Variants in CASQ2 observed in about 807,000 individuals in gnomAD.
The protein encoded by CASQ2 is calsequestrin-2.
CASQ2 carries 49 observed loss-of-function variants against 46.5 expected under a neutral mutation model. The ratio of observed to expected loss-of-function variants is 1.05; its 90% CI spans 0.84 to 1.34. CASQ2 has a LOEUF of 1.34. Among genes scored for constraint, CASQ2 ranks in the 40% most tolerant of loss-of-function variants. The pLI, the probability that CASQ2 is intolerant of heterozygous loss-of-function variation, is 0.00. For missense variants in CASQ2, 486 were observed against 481.3 expected, an observed-to-expected ratio of 1.01 and a Z score of -0.09; for synonymous variants, 174 against 168.5, an observed-to-expected ratio of 1.03 and a Z score of -0.25.
chr1:115,725,921 C>T (rs1647568162), intron 6 of CASQ2, among the ~76,000 whole-genome samples: 1 of 152,180 alleles, frequency 6.6e-6, no homozygotes. Context: ...AATGAGAAAC[C>T]TGAGGGGGAA....
rs759805011 is a variant in CASQ2, at chr1:115,740,786, C to A, written c.362G>T (p.Arg121Leu). Residue 121 changes from arginine to leucine, a missense_variant, in exon 3 of 11, where the codon CGC becomes CTC. Arg to Leu is a moderately radical substitution (Grantham distance 102, BLOSUM62 -2). Transcript: ENST00000261448. The part of the protein sequence containing the change: ...EGSLYILKGD[R>L]TIEFDGEFAA... Reference sequence around the variant, plus strand: ...AAACTCGCCATCAAACTCTATTGTGCGATCACCCTTAAGAATATACAGGCT... The same window carrying A: ...AAACTCGCCATCAAACTCTATTGTGAGATCACCCTTAAGAATATACAGGCT... The A allele has an allele frequency of 3.1e-6, 5 of 1,613,304 alleles. No homozygotes were observed. Among genetic ancestry groups the A allele is most frequent in the Non-Finnish European group, 4.2e-6 (5 of 1,179,536 alleles).
chr1:115,716,866 G>T (rs542254402), intron 8 of CASQ2, among the ~76,000 whole-genome samples: 1 of 152,266 alleles, frequency 6.6e-6, no homozygotes, highest in African/African-American at 2.4e-5. Flanking sequence ...GACATGGTGA[G>T]ATTAAAAGTG....
Position 115,744,849 on chromosome 1 carries a change from C to T in CASQ2, c.298G>A (p.Ala100Thr). Residue 100 changes from alanine to threonine, a missense_variant, in exon 2 of 11, where the codon GCC becomes ACC. Coordinates refer to ENST00000261448, the MANE Select transcript of CASQ2 (RefSeq NM_001232.4). ...GFVMVDAKKE[A>T]KLAKKLGFDE... is the part of the protein sequence containing the mutation. Reference sequence around the variant, plus strand: ...TTACCCAGTTTCTTGGCAAGCTTGGCTTCTTTCTTGGCATCCACCATCACA... The same window carrying T: ...TTACCCAGTTTCTTGGCAAGCTTGGTTTCTTTCTTGGCATCCACCATCACA... The T allele has an allele frequency of 2.5e-6, 4 of 1,613,708 alleles. No homozygotes were observed. Among genetic ancestry groups the T allele is most frequent in the Non-Finnish European group, 3.4e-6 (4 of 1,179,684 alleles).
chr1:115,738,344 C>CA lies in CASQ2; in HGVS notation c.421-10_421-9insT. 6.6e-7 allele frequency: 1 copy of CA among 1,508,010 alleles called. No homozygotes were observed. Among genetic ancestry groups the CA allele is most frequent in the South Asian group, 1.1e-5 (1 of 89,000 alleles). 93.4% of individuals were successfully genotyped at this position (1,508,010 alleles called of 1,614,324 possible). Reference sequence around the variant, plus strand: ...ACTGGGTCTTCAATTAGCTGAAATGCCACACGCACATACACACATGTTCAA... The same window carrying CA: ...ACTGGGTCTTCAATTAGCTGAAATGCACACACGCACATACACACATGTTCAA... On this transcript the variant is annotated splice_polypyrimidine_tract_variant and intron_variant, in intron 3 of 10. Transcript: ENST00000261448.
chr1:115,750,976 T>G (rs1648560620), intron 1 of CASQ2, among the ~76,000 whole-genome samples: 1 of 149,528 alleles, frequency 6.7e-6, no homozygotes, highest in African/African-American at 2.4e-5. Flanking sequence ...TCATGGATAC[T>G]ATGTCCCAGT....
In CASQ2 at chr1:115,760,101, A is replaced by G. The variant is rs184832158; in HGVS notation, c.234+8207T>C. On this transcript the variant is annotated intron_variant, in intron 1 of 10. Transcript: ENST00000261448. ...GAGGCCTGGCTGAGTCCCAAATCAG[A>G]TATGAATCCCTGCACCCCTAGAACA... 8.4e-4 allele frequency among the ~76,000 whole-genome samples: 128 copies of G among 152,324 alleles called. 2 individuals are homozygous for G. Among genetic ancestry groups the G allele is most frequent in the Non-Finnish European group, 7.2e-4 (49 of 68,032 alleles).
chr1:115,707,512 G>A (rs1263296528), intron 8 of CASQ2, among the ~76,000 whole-genome samples: 1 of 152,146 alleles, frequency 6.6e-6, no homozygotes, highest in African/African-American at 2.4e-5. Flanking sequence ...GTGGGGTAGG[G>A]GCATTACTCC....
At position 115,700,400 on chromosome 1, in the gene CASQ2, AG is replaced by A. The variant is rs1654169337; in HGVS notation, c.*840del. 6.5e-6 allele frequency: 1 copy of A among 152,720 alleles called. No homozygotes were observed. The highest frequency in any genetic ancestry group is 3.4e-3 in the Middle Eastern group (1 of 294). The allele number at this position is 152,720 out of a possible 1,614,324, so 9.5% of individuals were successfully genotyped here. ...AGAAGGGGTATTCAGATCCCAGCTTAGGCTAGGAAGCCAGCTGACCCAATCA... is the reference window on the plus strand; with the variant it reads ...AGAAGGGGTATTCAGATCCCAGCTTAGCTAGGAAGCCAGCTGACCCAATCA... On this transcript the variant is annotated 3_prime_UTR_variant, in exon 11 of 11. Coordinates refer to ENST00000261448, the MANE Select transcript of CASQ2 (RefSeq NM_001232.4).
intron 5 of CASQ2, among the ~76,000 whole-genome samples, chr1:115,731,888 TA>T (rs1157329136): frequency 6.6e-6 from 1 of 152,172 alleles, no homozygotes; most frequent in Non-Finnish European, 1.5e-5. Context: ...CTCTGGCACA[TA>T]AAAATTTTTT....
At chr1:115,723,899 C>T (rs952310888) in intron 7 of CASQ2, among the ~76,000 whole-genome samples, 4 of 152,168 alleles carry the variant, frequency 2.6e-5, no homozygotes, top group Non-Finnish European at 5.9e-5. Flanking sequence ...TTCTATTGTG[C>T]TGAGTTGTTA....
intron 3 of CASQ2, among the ~76,000 whole-genome samples, chr1:115,739,902 T>C (rs1485590112): frequency 6.6e-6 from 1 of 152,204 alleles, no homozygotes; most frequent in African/African-American, 2.4e-5. Flanking sequence ...CCCAGAGTTG[T>C]TCTGTCACCC....
rs151004366 is a variant in CASQ2 at position 115,722,244 on chromosome 1, C to T, written c.783+3264G>A. 6.3e-3 allele frequency among the ~76,000 whole-genome samples: 965 copies of T among 152,260 alleles called. 9 individuals carry two copies. Among genetic ancestry groups the T allele is most frequent in the African/African-American group, 0.021 (870 of 41,542 alleles). ...TTTCTCTGCCTGGTTAAATTCAATA[C>T]GCTGCTCTCTTCCCCAAGTTAAGAA... is the stretch of plus-strand genomic sequence containing the variant. On this transcript the variant is annotated intron_variant, in intron 7 of 10. Coordinates refer to ENST00000261448, the MANE Select transcript of CASQ2 (RefSeq NM_001232.4).
chr1:115,705,043 T>C (rs1449294932), intron 9 of CASQ2, 149 bp downstream of exon 9: 5 of 697,616 alleles, frequency 7.2e-6, no homozygotes, highest in Non-Finnish European at 1.1e-5. Flanking sequence ...AGTTCAATAC[T>C]GCCCCAAGGG....
At chr1:115,760,962 T>A (rs1648914841) in intron 1 of CASQ2, among the ~76,000 whole-genome samples, 1 of 152,200 alleles carries the variant, frequency 6.6e-6, no homozygotes, top group Non-Finnish European at 1.5e-5. Context: ...TATAATTTTA[T>A]AAGAAATTCT....
intron 9 of CASQ2, among the ~76,000 whole-genome samples, chr1:115,704,703 G>C (rs537599109): frequency 6.6e-6 from 1 of 152,142 alleles, no homozygotes; most frequent in African/African-American, 2.4e-5. Flanking sequence ...CACATTCATC[G>C]TAGGCTAGAC....
At chr1:115,738,395 G>T in intron 3 of CASQ2, 60 bp from the exon 4 acceptor site, 1 of 1,072,566 alleles carries the variant, frequency 9.3e-7, no homozygotes, top group Non-Finnish European at 1.5e-6. Context: ...CTTCACTGGG[G>T]AAACAGAGTG....
intron 9 of CASQ2, among the ~76,000 whole-genome samples, chr1:115,703,913 AAAAAAAAAAAC>A (rs1364640492): frequency 4.0e-5 from 2 of 50,486 alleles, no homozygotes; most frequent in South Asian, 9.2e-4. Flanking sequence ...CCCTGTCTCA[AAAAAAAAAAAC>A]AAAAAAAAAC....
chr1:115,707,009 C>T (rs971748075), intron 8 of CASQ2, among the ~76,000 whole-genome samples: 2 of 151,660 alleles, frequency 1.3e-5, no homozygotes, highest in African/African-American at 2.4e-5. Flanking sequence ...CTGGGAAGCA[C>T]AGCGACCTCT....
Position 115,764,189 on chromosome 1 carries a change from C to T in CASQ2, c.234+4119G>A, listed in dbSNP as rs369300466. 4.6e-5 allele frequency among the ~76,000 whole-genome samples: 7 copies of T among 151,808 alleles called. No individual in the cohort carries two copies. The South Asian group carries it at 6.2e-4, about 14-fold the overall frequency. On this transcript the variant is annotated intron_variant, in intron 1 of 10. Coordinates refer to ENST00000261448, the MANE Select transcript of CASQ2 (RefSeq NM_001232.4). ...TGTTCATTAAAACAACAATGAAAAG[C>T]GAAGATTTTTAAAACTCTAAAAATT...
Sources: gnomAD v4.1 joint callset for allele counts (sites outside exome capture counted in the v4.1 genomes callset) on GRCh38, gnomAD v4.1.1 for gene constraint, MANE v1.5 for transcripts, NCBI Gene and HGNC (gene_info 2026-07-23, HGNC 2026-07-21) for gene names.